The following TNFRSF10B variants were observed in gnomAD, a reference collection of about 807,000 sequenced individuals.
TNFRSF10B encodes tumor necrosis factor receptor superfamily member 10B.
TNFRSF10B carries 35 observed loss-of-function variants against 41.4 expected under a neutral mutation model. The ratio of observed to expected loss-of-function variants is 0.85; its 90% CI spans 0.65 to 1.12. The LOEUF is 1.12. Ranked by LOEUF, TNFRSF10B falls within the 50% of genes most tolerant of loss-of-function variation. The pLI is 0.00. For missense variants in TNFRSF10B, 584 were observed against 552.7 expected (o/e 1.06, Z -0.57); for synonymous variants, 230 against 215.5 (o/e 1.07, Z -0.59).
chr8:23,040,928 G>T (rs557305853), intron 2 of TNFRSF10B, among the ~76,000 whole-genome samples: 6 of 152,062 alleles, frequency 3.9e-5, no homozygotes, highest in Non-Finnish European at 8.8e-5. Flanking sequence ...CAACCAAAAA[G>T]GTGGCTGTCA....
At chr8:23,040,845 TGTAA>T (rs1812174556) in intron 2 of TNFRSF10B, among the ~76,000 whole-genome samples, 1 of 152,134 alleles carries the variant, frequency 6.6e-6, no homozygotes, top group Non-Finnish European at 1.5e-5. Context: ...TACTTAATAA[TGTAA>T]GTATCATACA....
In TNFRSF10B at chr8:23,027,130, C is replaced by T. The variant is rs894270392; in HGVS notation, c.936+3G>A. On this transcript the variant is annotated splice_donor_region_variant and intron_variant, in intron 7 of 8. Coordinates refer to ENST00000276431, the MANE Select transcript of TNFRSF10B (RefSeq NM_003842.5). The stretch of plus-strand genomic sequence containing the variant: ...GAAACAAAATGATCTGTCCCCCACT[C>T]ACCAGCAGATGCTCTGACTCCCCGG... 9.3e-6 allele frequency: 15 copies of T among 1,613,884 alleles called. No individual in the cohort carries two copies. The highest frequency in any genetic ancestry group is 1.2e-5 in the Non-Finnish European group (14 of 1,180,024).
intron 1 of TNFRSF10B, among the ~76,000 whole-genome samples, chr8:23,044,802 C>G (rs1371857769): frequency 1.3e-5 from 2 of 151,126 alleles, no homozygotes; most frequent in African/African-American, 4.9e-5. Flanking sequence ...TAAATAGAGA[C>G]TGAAAAAAAT....
At chr8:23,027,031 T>A (rs1585206302) in intron 7 of TNFRSF10B, 102 bp downstream of exon 7, 1 of 1,577,504 alleles carries the variant, frequency 6.3e-7, no homozygotes, top group South Asian at 1.1e-5. Flanking sequence ...CAGGTTCCAT[T>A]TCCCCTGGGC....
intron 7 of TNFRSF10B, among the ~76,000 whole-genome samples, chr8:23,024,470 T>A (rs1252990987): frequency 1.3e-5 from 2 of 152,108 alleles, no homozygotes; most frequent in Non-Finnish European, 2.9e-5. Flanking sequence ...GAGTGTATAT[T>A]TTTAAAACCC....
In TNFRSF10B at chr8:23,030,884, G is replaced by A. The variant is rs1376835785; in HGVS notation, c.251-12C>T. 1 of 1,589,366 alleles carries A rather than the reference G, an allele frequency of 6.3e-7. No individual in the cohort carries two copies. Among genetic ancestry groups the A allele is most frequent in the Non-Finnish European group, 8.6e-7 (1 of 1,163,318 alleles). On this transcript the variant is annotated splice_polypyrimidine_tract_variant and intron_variant, in intron 2 of 8. Transcript: ENST00000276431. ...TGAGATATGGTGTCCTGGGAGGGGAGAGAAAAGCCGGTGAATGAAATGCCA... is the reference window on the plus strand; with the variant it reads ...TGAGATATGGTGTCCTGGGAGGGGAAAGAAAAGCCGGTGAATGAAATGCCA...
chr8:23,057,050 T>C (rs1055288649), intron 1 of TNFRSF10B, among the ~76,000 whole-genome samples: 29 of 151,328 alleles, frequency 1.9e-4, no homozygotes, highest in Non-Finnish European at 3.8e-4. Context: ...TTTTTTTTTT[T>C]TTTGAGACGG....
At chr8:23,045,358 A>G (rs1015088656) in intron 1 of TNFRSF10B, among the ~76,000 whole-genome samples, 2 of 152,246 alleles carry the variant, frequency 1.3e-5, no homozygotes, top group African/African-American at 4.8e-5. Context: ...ATTTCTAGAC[A>G]CATACAACCT....
rs1233151204 is a variant in TNFRSF10B at position 23,021,518 on chromosome 8, G to A, written c.*1153C>T. On this transcript the variant is annotated 3_prime_UTR_variant, in exon 9 of 9. Coordinates refer to ENST00000276431, the MANE Select transcript of TNFRSF10B (RefSeq NM_003842.5). ...TCTCCTGAGCCCAAACAGGGCTCAA[G>A]TTCACTTGGGATATGACATAGACCC... The A allele has an allele frequency of 4.4e-6, 2 of 454,014 alleles. No individual in the cohort carries two copies. Among genetic ancestry groups the A allele is most frequent in the Admixed American group, 2.3e-5 (1 of 42,560 alleles). The allele number at this position is 454,014 out of a possible 1,614,324, so 28.1% of individuals were successfully genotyped here.
At chr8:23,037,788 G>A (rs1255461569) in intron 2 of TNFRSF10B, among the ~76,000 whole-genome samples, 1 of 152,204 alleles carries the variant, frequency 6.6e-6, no homozygotes, top group Non-Finnish European at 1.5e-5. Flanking sequence ...GACTGTCTAT[G>A]CTCTGAATTA....
At chr8:23,039,220 C>G (rs969223553) in intron 2 of TNFRSF10B, among the ~76,000 whole-genome samples, 5 of 152,070 alleles carry the variant, frequency 3.3e-5, no homozygotes, top group East Asian at 3.9e-4. Context: ...GTAATGCTCA[C>G]TCATCTACAG....
chr8:23,068,375 G>A, intron 1 of TNFRSF10B: 3 of 306,294 alleles, frequency 9.8e-6, no homozygotes, highest in Non-Finnish European at 1.8e-5. Context: ...GAGGAAGGAA[G>A]GGAGGGAAAG....
intron 1 of TNFRSF10B, among the ~76,000 whole-genome samples, chr8:23,058,845 AAAAT>A (rs1348595095): frequency 1.3e-5 from 2 of 152,192 alleles, no homozygotes; most frequent in African/African-American, 4.8e-5. Context: ...TATAGTGACT[AAAAT>A]AAATGCTGTT....
chr8:23,038,555 T>C (rs997458025), intron 2 of TNFRSF10B, among the ~76,000 whole-genome samples: 10 of 152,198 alleles, frequency 6.6e-5, no homozygotes, highest in Admixed American at 6.5e-4. Context: ...ACACAAGATA[T>C]TTTGAATTTA....
At chr8:23,041,668 TACAA>T (rs773668878) in intron 2 of TNFRSF10B, among the ~76,000 whole-genome samples, 4 of 150,746 alleles carry the variant, frequency 2.7e-5, no homozygotes, top group African/African-American at 7.3e-5. Flanking sequence ...AGAACCAGTG[TACAA>T]ACAGTGTCTG....
At chr8:23,058,223 G>C (rs894465118) in intron 1 of TNFRSF10B, among the ~76,000 whole-genome samples, 1 of 151,922 alleles carries the variant, frequency 6.6e-6, no homozygotes, top group African/African-American at 2.4e-5. Context: ...CTCCAGCCTG[G>C]GTAATAGACC....
chr8:23,044,956 C>T (rs1199983902), intron 1 of TNFRSF10B, among the ~76,000 whole-genome samples: 1 of 150,150 alleles, frequency 6.7e-6, no homozygotes, highest in African/African-American at 2.5e-5. Context: ...TGGCTCATGC[C>T]TATAATCCCA....
chr8:23,056,368 T>C (rs1812666293), intron 1 of TNFRSF10B, among the ~76,000 whole-genome samples: 1 of 152,146 alleles, frequency 6.6e-6, no homozygotes, highest in Non-Finnish European at 1.5e-5. Flanking sequence ...AATTATGAAA[T>C]GTGAAGTTAA....
At chr8:23,043,459 T>C (rs1276782426) in intron 1 of TNFRSF10B, among the ~76,000 whole-genome samples, 1 of 152,206 alleles carries the variant, frequency 6.6e-6, no homozygotes, top group African/African-American at 2.4e-5. Context: ...CTAAACATGT[T>C]CATTCCAGAA....
Sources: allele counts gnomAD v4.1 joint callset (sites outside exome capture counted in the v4.1 genomes callset), GRCh38; gene constraint gnomAD v4.1.1; transcripts MANE v1.5; gene names NCBI Gene and HGNC (gene_info 2026-07-23, HGNC 2026-07-21).